AGFG1: variants seen among roughly 807,000 people sequenced by gnomAD.
AGFG1 encodes arf-GAP domain and FG repeat-containing protein 1.
In AGFG1, 10 loss-of-function variants were observed where a neutral mutation model predicts 60.6. That is an observed-to-expected ratio of 0.16 (90% CI 0.10 to 0.28). AGFG1 has a LOEUF of 0.28. AGFG1 is among the 10% of genes least tolerant of loss of function. The probability of loss-of-function intolerance (pLI) is 1.00; values close to 1 mark genes in which losing one functional copy is unlikely to be tolerated. For synonymous variants in AGFG1, 247 were observed against 242.9 expected, an observed-to-expected ratio of 1.02 and a Z score of -0.16; for missense variants, 537 against 676.5, an observed-to-expected ratio of 0.79 and a Z score of 2.29.
At chr2:227,518,084 A>G (rs2106202299) in intron 2 of AGFG1, among the ~76,000 whole-genome samples, 2 of 152,306 alleles carry the variant, frequency 1.3e-5, no homozygotes, top group Non-Finnish European at 2.9e-5. Flanking sequence ...GGGGGTGCAC[A>G]TGTTTCTTTC....
chr2:227,502,264 C>A (rs1179882615), intron 2 of AGFG1, among the ~76,000 whole-genome samples: 1 of 152,158 alleles, frequency 6.6e-6, no homozygotes, highest in Non-Finnish European at 1.5e-5. Context: ...TTTGTTCATT[C>A]TTCTTTGTCA....
intron 2 of AGFG1, chr2:227,510,775 G>A (rs532404999): frequency 6.6e-6 from 1 of 152,234 alleles, no homozygotes; most frequent in Non-Finnish European, 1.5e-5. Flanking sequence ...GTATGGGTAT[G>A]TGAGCTGTGT....
chr2:227,481,921 AGGGGCGCGAT>A (rs1690479310), intron 1 of AGFG1, among the ~76,000 whole-genome samples: 1 of 138,678 alleles, frequency 7.2e-6, no homozygotes, highest in African/African-American at 2.8e-5. Context: ...GTTGGAGTGC[AGGGGCGCGAT>A]CTCTGCTCAC....
At chr2:227,520,156 A>G in intron 3 of AGFG1, 93 bp downstream of exon 3, 1 of 752,388 alleles carries the variant, frequency 1.3e-6, no homozygotes, top group East Asian at 3.0e-5. Context: ...GATAAAAGAC[A>G]GACAGTGAGA....
intron 2 of AGFG1, among the ~76,000 whole-genome samples, chr2:227,511,072 A>G (rs1248851557): frequency 2.0e-5 from 3 of 152,156 alleles, no homozygotes; most frequent in East Asian, 1.9e-4. Context: ...CTCCTATATT[A>G]TCAAGTGAAT....
At chr2:227,507,462 G>A (rs540133971) in intron 2 of AGFG1, among the ~76,000 whole-genome samples, 22 of 152,128 alleles carry the variant, frequency 1.4e-4, no homozygotes, top group Non-Finnish European at 2.8e-4. Context: ...AATTAGCTGG[G>A]CGTGGTGGCA....
chr2:227,480,888 C>CTTTA (rs916341598), intron 1 of AGFG1, among the ~76,000 whole-genome samples: 1 of 152,202 alleles, frequency 6.6e-6, no homozygotes, highest in African/African-American at 2.4e-5. Flanking sequence ...GGTGAAAATA[C>CTTTA]TTTACCCTTG....
At chr2:227,479,634 C>A (rs1184307707) in intron 1 of AGFG1, among the ~76,000 whole-genome samples, 1 of 152,166 alleles carries the variant, frequency 6.6e-6, no homozygotes, top group Non-Finnish European at 1.5e-5. Flanking sequence ...ATATTCGGGA[C>A]TAGGTTTTAC....
At chr2:227,529,190 G>T (rs1011267566) in intron 5 of AGFG1, among the ~76,000 whole-genome samples, 1 of 151,984 alleles carries the variant, frequency 6.6e-6, no homozygotes, top group Non-Finnish European at 1.5e-5. Flanking sequence ...TTTTGCCTTG[G>T]AGTAGTTTTT....
At chr2:227,531,852 A>G (rs1334926526) in intron 6 of AGFG1, among the ~76,000 whole-genome samples, 1 of 152,190 alleles carries the variant, frequency 6.6e-6, no homozygotes, top group Admixed American at 6.6e-5. Flanking sequence ...TCGGGGCAAC[A>G]AGCCTGAGAA....
chr2:227,497,254 T>G (rs1032024422), intron 2 of AGFG1, among the ~76,000 whole-genome samples: 14 of 151,692 alleles, frequency 9.2e-5, no homozygotes, highest in Non-Finnish European at 1.9e-4. Flanking sequence ...TGACCCAGTT[T>G]GGTCTGCAGA....
At chr2:227,503,886 T>C (rs1406086505) in intron 2 of AGFG1, among the ~76,000 whole-genome samples, 2 of 152,248 alleles carry the variant, frequency 1.3e-5, no homozygotes, top group African/African-American at 4.8e-5. Context: ...ATTACTTTGC[T>C]CTTTTATTAT....
At chr2:227,476,210 C>T (rs1033874759) in intron 1 of AGFG1, among the ~76,000 whole-genome samples, 2 of 152,106 alleles carry the variant, frequency 1.3e-5, no homozygotes, top group African/African-American at 4.8e-5. Flanking sequence ...TGAAGGCATC[C>T]TAACTGATTG....
At chr2:227,482,503 A>G (rs1690499427) in intron 1 of AGFG1, among the ~76,000 whole-genome samples, 1 of 152,292 alleles carries the variant, frequency 6.6e-6, no homozygotes, top group African/African-American at 2.4e-5. Flanking sequence ...ATTTTATGCT[A>G]TGAAACATAT....
chr2:227,535,591 T>C (rs1238306185), intron 8 of AGFG1, among the ~76,000 whole-genome samples: 2 of 152,210 alleles, frequency 1.3e-5, no homozygotes, highest in Non-Finnish European at 1.5e-5. Flanking sequence ...TAAAAAACTT[T>C]TCTAGTCTTT....
At chr2:227,524,723 C>A (rs1351975881) in intron 4 of AGFG1, 39 bp from the exon 5 acceptor site, 6 of 1,602,472 alleles carry the variant, frequency 3.7e-6, no homozygotes, top group Middle Eastern at 1.7e-4. Context: ...TTTTGCAGAT[C>A]CGACTGGAAT....
chr2:227,536,580 T>A lies in AGFG1; in HGVS notation c.1206-45T>A, dbSNP rs759108650. The A allele has an allele frequency of 5.1e-6, 8 of 1,561,756 alleles. No homozygotes were observed. In the South Asian group the frequency reaches 8.9e-5, roughly 17 times the overall value. On this transcript the variant is annotated intron_variant, in intron 8 of 12. Transcript: ENST00000310078. Reference sequence around the variant, plus strand: ...CTACCCTGTAAATCGTTACTTTCTTTTTTTTTTAAGAAAAAAAATGAACTC... The same window carrying A: ...CTACCCTGTAAATCGTTACTTTCTTATTTTTTTAAGAAAAAAAATGAACTC...
intron 1 of AGFG1, among the ~76,000 whole-genome samples, chr2:227,473,862 AT>A (rs1048112214): frequency 2.6e-5 from 4 of 151,854 alleles, no homozygotes; most frequent in African/African-American, 9.7e-5. Context: ...TTCAGCAGAC[AT>A]TTTTTTTGGT....
intron 10 of AGFG1, among the ~76,000 whole-genome samples, chr2:227,541,845 A>G (rs1290378339): frequency 6.6e-6 from 1 of 152,164 alleles, no homozygotes; most frequent in East Asian, 1.9e-4. Context: ...ATGTTCTTCC[A>G]TTTGTTTGTG....
Sources: allele counts gnomAD v4.1 joint callset (sites outside exome capture counted in the v4.1 genomes callset), GRCh38; gene constraint gnomAD v4.1.1; transcripts MANE v1.5; gene names NCBI Gene and HGNC (gene_info 2026-07-23, HGNC 2026-07-21).